PCDH9: variants seen among roughly 807,000 people sequenced by gnomAD.
The protein encoded by PCDH9 is protocadherin-9.
PCDH9 carries 24 observed loss-of-function variants against 70.6 expected under a neutral mutation model. The ratio of observed to expected loss-of-function variants is 0.34; its 90% CI spans 0.25 to 0.48. PCDH9 has a LOEUF of 0.48. PCDH9 is among the 20% of genes least tolerant of loss of function. The pLI, the probability that PCDH9 is intolerant of heterozygous loss-of-function variation, is 0.99. For missense variants in PCDH9, 1,281 were observed against 1,503.6 expected (o/e 0.85, Z 2.45); for synonymous variants, 562 against 558.5 (o/e 1.01, Z -0.09).
intron 3 of PCDH9, among the ~76,000 whole-genome samples, chr13:66,786,526 T>G (rs1357724081): frequency 6.6e-6 from 1 of 152,204 alleles, no homozygotes; most frequent in East Asian, 1.9e-4. Flanking sequence ...TCAGTGACGT[T>G]ATTGAGCTAT....
intron 2 of PCDH9, among the ~76,000 whole-genome samples, chr13:67,196,183 G>A (rs9317647): frequency 0.049 from 7,480 of 152,184 alleles, 236 homozygotes; most frequent in Middle Eastern, 0.071. Context: ...GAGCTGTTTT[G>A]AAGGTTAAAA....
intron 3 of PCDH9, among the ~76,000 whole-genome samples, chr13:66,883,030 T>A (rs772940363): frequency 3.9e-5 from 6 of 152,106 alleles, no homozygotes; most frequent in Non-Finnish European, 7.4e-5. Context: ...TAAATACTTT[T>A]TCTCATTTTT....
chr13:66,652,547 A>G (rs574118383), intron 3 of PCDH9, among the ~76,000 whole-genome samples: 1 of 152,146 alleles, frequency 6.6e-6, no homozygotes, highest in African/African-American at 2.4e-5. Context: ...TAAAATGTAC[A>G]TACTACCTAA....
At chr13:66,660,819 C>A (rs61960074) in intron 3 of PCDH9, among the ~76,000 whole-genome samples, 1 of 151,568 alleles carries the variant, frequency 6.6e-6, no homozygotes, top group African/African-American at 2.4e-5. Flanking sequence ...TAATCAATCC[C>A]ATTTTATTTT....
intron 4 of PCDH9, among the ~76,000 whole-genome samples, chr13:66,361,993 A>G (rs1334810244): frequency 6.6e-6 from 1 of 152,064 alleles, no homozygotes; most frequent in African/African-American, 2.4e-5. Flanking sequence ...AATTGAGAAA[A>G]TTTTCATTAA....
At chr13:66,600,926 G>A (rs2077158631) in intron 4 of PCDH9, among the ~76,000 whole-genome samples, 1 of 144,692 alleles carries the variant, frequency 6.9e-6, no homozygotes, top group Admixed American at 7.0e-5. Context: ...ATTTTTTAAT[G>A]TTTTTATTCT....
At chr13:67,013,084 TA>T (rs1230902404) in intron 2 of PCDH9, among the ~76,000 whole-genome samples, 7 of 151,960 alleles carry the variant, frequency 4.6e-5, no homozygotes, top group African/African-American at 1.7e-4. Context: ...TTTTTATTAA[TA>T]ACATTTCTAT....
chr13:66,611,709 C>T (rs1189098726), intron 4 of PCDH9, among the ~76,000 whole-genome samples: 1 of 152,140 alleles, frequency 6.6e-6, no homozygotes, highest in African/African-American at 2.4e-5. Flanking sequence ...GAAGACTGGT[C>T]TAATATTTCT....
chr13:66,456,955 C>T lies in PCDH9; in HGVS notation c.3341-151927G>A, dbSNP rs183806500. 7.2e-5 allele frequency among the ~76,000 whole-genome samples: 11 copies of T among 152,078 alleles called. No individual in the cohort carries two copies. The East Asian group carries it at 1.6e-3, about 21-fold the overall frequency. On this transcript the variant is annotated intron_variant, in intron 4 of 4. Transcript: ENST00000377865. The stretch of plus-strand genomic sequence containing the variant: ...ATGTAAAATATAATAACTGTGTACC[C>T]GTTCGTAATTGTGTTCTTATGAAAG...
At chr13:66,600,180 G>T (rs2077148876) in intron 4 of PCDH9, among the ~76,000 whole-genome samples, 1 of 151,878 alleles carries the variant, frequency 6.6e-6, no homozygotes, top group South Asian at 2.1e-4. Flanking sequence ...TAGACAAACA[G>T]ACCAAGAACT....
At chr13:66,629,125 T>C (rs925045742) in intron 4 of PCDH9, among the ~76,000 whole-genome samples, 3 of 152,244 alleles carry the variant, frequency 2.0e-5, no homozygotes, top group African/African-American at 7.2e-5. Context: ...AAACATTGTC[T>C]TAATCTTATT....
At chr13:66,665,416 CTAA>C (rs1202691185) in intron 3 of PCDH9, among the ~76,000 whole-genome samples, 1 of 152,072 alleles carries the variant, frequency 6.6e-6, no homozygotes, top group Non-Finnish European at 1.5e-5. Context: ...AAGGACTTTT[CTAA>C]TGACATTCCA....
intron 3 of PCDH9, among the ~76,000 whole-genome samples, chr13:66,754,780 C>G (rs996788612): frequency 3.0e-4 from 46 of 152,026 alleles, no homozygotes; most frequent in African/African-American, 1.0e-3. Flanking sequence ...TACTGGTATC[C>G]AATTATTTTT....
intron 4 of PCDH9, among the ~76,000 whole-genome samples, chr13:66,336,691 T>C (rs1221701310): frequency 6.6e-6 from 1 of 152,078 alleles, no homozygotes; most frequent in African/African-American, 2.4e-5. Flanking sequence ...TTCATAGTTT[T>C]CTAGGTTTTG....
At chr13:66,835,875 T>C (rs1326402059) in intron 3 of PCDH9, among the ~76,000 whole-genome samples, 2 of 152,078 alleles carry the variant, frequency 1.3e-5, no homozygotes, top group African/African-American at 4.8e-5. Context: ...TTACCTCAAT[T>C]ATAAAAAGCA....
At chr13:66,684,164 A>T (rs2078366897) in intron 3 of PCDH9, among the ~76,000 whole-genome samples, 1 of 152,202 alleles carries the variant, frequency 6.6e-6, no homozygotes, top group Non-Finnish European at 1.5e-5. Flanking sequence ...CACTCCAAGA[A>T]AATAAATGAC....
At chr13:66,660,039 A>G (rs1202541133) in intron 3 of PCDH9, among the ~76,000 whole-genome samples, 2 of 152,166 alleles carry the variant, frequency 1.3e-5, no homozygotes, top group Admixed American at 6.5e-5. Flanking sequence ...AATGCCTAAA[A>G]TCTTTCTCTT....
intron 3 of PCDH9, among the ~76,000 whole-genome samples, chr13:66,846,360 A>T (rs113736811): frequency 4.9e-4 from 74 of 152,314 alleles, no homozygotes; most frequent in African/African-American, 1.6e-3. Context: ...TTTGTTAATA[A>T]GCAGATTTCA....
chr13:66,886,856 T>C (rs1332929805), intron 3 of PCDH9, among the ~76,000 whole-genome samples: 1 of 152,118 alleles, frequency 6.6e-6, no homozygotes, highest in Non-Finnish European at 1.5e-5. Context: ...CAACAAACTA[T>C]CTGAATATTC....
Sources: allele counts gnomAD v4.1 joint callset (sites outside exome capture counted in the v4.1 genomes callset), GRCh38; gene constraint gnomAD v4.1.1; transcripts MANE v1.5; gene names NCBI Gene and HGNC (gene_info 2026-07-23, HGNC 2026-07-21).